Variants in OTOF observed in about 807,000 individuals in gnomAD.
OTOF encodes otoferlin.
In OTOF, 218 loss-of-function variants were observed where a neutral mutation model predicts 236.8. The ratio of observed to expected loss-of-function variants is 0.92; its 90% CI spans 0.82 to 1.03. The LOEUF (loss-of-function observed/expected upper bound fraction) is 1.03, where lower values mean the gene tolerates loss of function less well. OTOF is among the 50% of genes least tolerant of loss of function. OTOF has a pLI of 0.00. For missense variants in OTOF, 2,590 were observed against 2,694.4 expected (o/e 0.96, Z 0.86); for synonymous variants, 1,041 against 1,072.5 (o/e 0.97, Z 0.57).
At chr2:26,516,920 C>A (rs1666544506) in intron 4 of OTOF, among the ~76,000 whole-genome samples, 1 of 152,196 alleles carries the variant, frequency 6.6e-6, no homozygotes. Context: ...CCCGAGTCCA[C>A]TGTCTACATA....
chr2:26,491,864 C>A (rs903528763), intron 9 of OTOF, among the ~76,000 whole-genome samples: 1 of 152,262 alleles, frequency 6.6e-6, no homozygotes, highest in African/African-American at 2.4e-5. Context: ...GAGCCAGAAT[C>A]CCGAACTCTC....
rs947243745 is a variant in OTOF, at chr2:26,461,148, T to A, written c.5534-118A>T. The A allele has an allele frequency of 2.3e-6, 2 of 886,342 alleles. No individual in the cohort carries two copies. The highest frequency in any genetic ancestry group is 3.6e-6 in the Non-Finnish European group (2 of 559,652). The allele number at this position is 886,342 out of a possible 1,614,324, so 54.9% of individuals were successfully genotyped here. A position where few individuals can be genotyped will look rare whatever the true frequency, so the allele number is the denominator to read the frequency against. ...GAGTGCAGACCTCCCTGAGCCCACA[T>A]CTCATCCTCCTGCCTCACTCCCAGC... On this transcript the variant is annotated intron_variant, in intron 43 of 46. Transcript: ENST00000272371. This position sits in a 1 kb window ranked among gnomAD's most constrained non-coding sequence, Gnocchi z 6.2.
chr2:26,521,444 G>T (rs1006910375), intron 3 of OTOF, among the ~76,000 whole-genome samples: 1 of 152,204 alleles, frequency 6.6e-6, no homozygotes, highest in Non-Finnish European at 1.5e-5. Flanking sequence ...GTGCCTTCTA[G>T]GCTTAACCTG....
chr2:26,469,259 C>T (rs1210125897), intron 32 of OTOF, among the ~76,000 whole-genome samples: 1 of 152,084 alleles, frequency 6.6e-6, no homozygotes, highest in Non-Finnish European at 1.5e-5. Context: ...AAACTAGAAA[C>T]CAGGTTTCAA....
At chr2:26,463,675 C>A in intron 40 of OTOF, 104 bp from the exon 41 acceptor site, 1 of 979,044 alleles carries the variant, frequency 1.0e-6, no homozygotes, top group Non-Finnish European at 1.6e-6. Flanking sequence ...GGACCCAGTT[C>A]ATCAGTTTCC....
chr2:26,503,734 G>A, intron 6 of OTOF, 38 bp downstream of exon 6: 2 of 1,586,996 alleles, frequency 1.3e-6, no homozygotes, highest in East Asian at 2.2e-5. Context: ...GGCGCCGCGA[G>A]GCGCGGGGCT....
In OTOF at chr2:26,489,479, G is replaced by A. The variant is rs144090653; in HGVS notation, c.961-184C>T. Among the ~76,000 whole-genome samples, 32 of 152,338 alleles carry A rather than the reference G, an allele frequency of 2.1e-4. No homozygotes were observed. The East Asian group carries it at 5.4e-3, about 26-fold the overall frequency. ...TTCTTGCTGGCCACTGTTTACGGGCGAATGCACTATTCAGAGGCATCCAAT... is the reference window on the plus strand; with the variant it reads ...TTCTTGCTGGCCACTGTTTACGGGCAAATGCACTATTCAGAGGCATCCAAT... On this transcript the variant is annotated intron_variant, in intron 10 of 46. Coordinates refer to ENST00000272371, the MANE Select transcript of OTOF (RefSeq NM_194248.3).
At chr2:26,467,052 G>T in intron 35 of OTOF, 47 bp downstream of exon 35, 1 of 1,576,488 alleles carries the variant, frequency 6.3e-7, no homozygotes. Context: ...TGTGGGGGGG[G>T]CAAGGGCTGG....
Position 26,477,159 on chromosome 2 carries a change from C to G in OTOF, c.2523+13G>C. On this transcript the variant is annotated intron_variant, in intron 21 of 46. Transcript: ENST00000272371. This position sits in a 1 kb window ranked among gnomAD's most constrained non-coding sequence, Gnocchi z 4.7. ...CCCTGGATGAGGCAAAGCCCCGACC[C>G]CTTGGGCCGCACCTCGTCCGCCAGG... The G allele has an allele frequency of 6.2e-7, 1 of 1,606,956 alleles. No individual in the cohort carries two copies. Among genetic ancestry groups the G allele is most frequent in the East Asian group, 2.2e-5 (1 of 44,826 alleles).
intron 9 of OTOF, among the ~76,000 whole-genome samples, chr2:26,493,178 G>A (rs1165618787): frequency 2.0e-5 from 3 of 152,174 alleles, no homozygotes; most frequent in South Asian, 2.1e-4. Flanking sequence ...TGTCCAGCTC[G>A]GGGGGCCTGT....
chr2:26,489,721 T>C lies in OTOF; in HGVS notation c.917A>G (p.His306Arg), dbSNP rs199588997. 8.7e-5 allele frequency: 140 copies of C among 1,612,844 alleles called. No homozygotes were observed. The highest frequency in any genetic ancestry group is 1.1e-4 in the Non-Finnish European group (132 of 1,179,842). Residue 306 changes from histidine (H) to arginine (R), a missense_variant, in exon 10 of 47, where the codon CAT becomes CGT. This residue lies in a region of OTOF where 1,379 missense variants were observed against 1,341.6 expected (regional missense o/e 1.03). Coordinates refer to ENST00000272371, the MANE Select transcript of OTOF (RefSeq NM_194248.3). ...GTCAAACATGACATCCGGAGAGACA[T>C]GGAAGTCGAAGACGAAGTACTGGAG... Reference protein sequence around the residue: ...YYNEYFVFDFHVSPDVMFDKI... With the variant: ...YYNEYFVFDFRVSPDVMFDKI...
Position 26,470,626 on chromosome 2 carries a change from G to A in OTOF, c.3990C>T (p.Ser1330=). 6.2e-7 allele frequency: 1 copy of A among 1,614,136 alleles called. No individual in the cohort carries two copies. Among genetic ancestry groups the A allele is most frequent in the Non-Finnish European group, 8.5e-7 (1 of 1,180,032 alleles). The change falls in exon 32 of 47, where the codon TCC becomes TCT. Residue 1330 remains serine (S), a synonymous_variant. Transcript: ENST00000272371. The surrounding 1 kb of genome is among the most constrained non-coding windows in gnomAD (Gnocchi z 4.3). ...TGGTGTCAATGGAGGCAAAGTACTT[G>A]GACCACCAGTCCAGCATGCTCTCGT... The part of the protein sequence containing the change: ...EPDESMLDWW[S]KYFASIDTMK...
intron 10 of OTOF, 57 bp downstream of exon 10, chr2:26,489,621 C>A: frequency 2.1e-6 from 3 of 1,454,690 alleles, no homozygotes; most frequent in Non-Finnish European, 2.9e-6. Flanking sequence ...CTCAAGTCTG[C>A]ACAAAGGTGC....
chr2:26,494,716 C>T (rs1665935470), intron 9 of OTOF, among the ~76,000 whole-genome samples: 3 of 151,742 alleles, frequency 2.0e-5, no homozygotes, highest in African/African-American at 2.4e-5. Flanking sequence ...GGGTGGTGTA[C>T]GCTTCAAAGA....
intron 13 of OTOF, among the ~76,000 whole-genome samples, chr2:26,483,260 C>G (rs1665612571): frequency 6.6e-6 from 1 of 152,072 alleles, no homozygotes; most frequent in Non-Finnish European, 1.5e-5. Flanking sequence ...ACACCCCCAG[C>G]CTCTCCTCCC....
intron 2 of OTOF, among the ~76,000 whole-genome samples, 192 bp downstream of exon 2, chr2:26,537,524 G>A (rs1667102446): frequency 1.3e-5 from 2 of 152,192 alleles, no homozygotes; most frequent in South Asian, 4.1e-4. Flanking sequence ...AGGTTTCTGG[G>A]GGGAACATGG....
intron 22 of OTOF, 57 bp downstream of exon 22, chr2:26,476,834 G>A: frequency 1.3e-6 from 2 of 1,534,630 alleles, no homozygotes; most frequent in Non-Finnish European, 1.8e-6. Context: ...CCCCAGGTGG[G>A]GGCTGCTGCT....
At position 26,477,134 on chromosome 2, in the gene OTOF, C is replaced by T. The variant is rs778101862; in HGVS notation, c.2523+38G>A. The T allele has an allele frequency of 1.3e-6, 2 of 1,594,362 alleles. No homozygotes were observed. Among genetic ancestry groups the T allele is most frequent in the South Asian group, 2.2e-5 (2 of 89,782 alleles). On this transcript the variant is annotated intron_variant, in intron 21 of 46. Coordinates refer to ENST00000272371, the MANE Select transcript of OTOF (RefSeq NM_194248.3). The surrounding 1 kb of genome is among the most constrained non-coding windows in gnomAD (Gnocchi z 4.7). ...ATCCTGAGGGGCCCCAGAGAGCCAG[C>T]CCTGGATGAGGCAAAGCCCCGACCC...
At chr2:26,514,475 G>A (rs577519936) in intron 5 of OTOF, among the ~76,000 whole-genome samples, 2 of 152,336 alleles carry the variant, frequency 1.3e-5, no homozygotes, top group African/African-American at 4.8e-5. Context: ...GCCCCCATCA[G>A]CACCCTGGCC....
Sources: gnomAD v4.1 joint callset for allele counts (sites outside exome capture counted in the v4.1 genomes callset) on GRCh38, gnomAD v4.1.1 for gene constraint, gnomAD v4.1.1 regional missense constraint, Gnocchi (gnomAD v3.1) non-coding constraint, MANE v1.5 for transcripts, NCBI Gene and HGNC (gene_info 2026-07-23, HGNC 2026-07-21) for gene names.